Variants in RPGRIP1 observed in about 807,000 individuals in gnomAD.
RPGRIP1 encodes the protein X-linked retinitis pigmentosa GTPase regulator-interacting protein 1.
RPGRIP1 carries 128 observed loss-of-function variants against 157.9 expected under a neutral mutation model. That is an observed-to-expected ratio of 0.81 (90% CI 0.70 to 0.94). The LOEUF (loss-of-function observed/expected upper bound fraction) is 0.94, where lower values mean the gene tolerates loss of function less well. Among genes scored for constraint, RPGRIP1 ranks in the 40% least tolerant of loss-of-function variants. RPGRIP1 has a pLI of 0.00. For synonymous variants in RPGRIP1, 554 were observed against 571.6 expected (o/e 0.97, Z 0.44); for missense variants, 1,486 against 1,545.8 (o/e 0.96, Z 0.65).
intron 3 of RPGRIP1, among the ~76,000 whole-genome samples, chr14:21,295,478 ATTTTT>A (rs11342361): frequency 8.6e-6 from 1 of 116,516 alleles, no homozygotes; most frequent in Non-Finnish European, 1.8e-5. Flanking sequence ...TATTTTTGAG[ATTTTT>A]TTTTTTTTTT....
chr14:21,337,250 A>G (rs1410476160), intron 21 of RPGRIP1, among the ~76,000 whole-genome samples: 1 of 152,150 alleles, frequency 6.6e-6, no homozygotes, highest in Non-Finnish European at 1.5e-5. Flanking sequence ...TTTAACCTCT[A>G]TTAGGCCTTG....
In RPGRIP1 at chr14:21,281,700, A is replaced by AT. The variant is rs1252803485; in HGVS notation, c.-39+1541_-39+1542insT. On this transcript the variant is annotated intron_variant, in intron 1 of 24. Transcript: ENST00000400017. ...TGAGACCTTGTCTCAAAAAAAAAAA[A>AT]AATAAATAATAATAATAATAATAAT... Among the ~76,000 whole-genome samples, 190 of 107,786 alleles carry AT rather than the reference A, an allele frequency of 1.8e-3. 4 individuals carry two copies. The highest frequency in any genetic ancestry group is 7.1e-3 in the African/African-American group (180 of 25,396). The allele number at this position is 107,786 out of a possible 152,430, so 70.7% of individuals were successfully genotyped here.
intron 14 of RPGRIP1, among the ~76,000 whole-genome samples, chr14:21,323,705 C>T (rs1043698235): frequency 2.0e-5 from 3 of 151,998 alleles, no homozygotes; most frequent in East Asian, 1.9e-4. Context: ...ATTATTACTC[C>T]TGCATCATGT....
intron 21 of RPGRIP1, among the ~76,000 whole-genome samples, chr14:21,342,005 G>A (rs1016556246): frequency 6.6e-6 from 1 of 151,520 alleles, no homozygotes; most frequent in East Asian, 2.0e-4. Context: ...AGCCGAGATC[G>A]TGCCACTGCA....
At chr14:21,308,914 G>A (rs1464320001) in intron 7 of RPGRIP1, among the ~76,000 whole-genome samples, 1 of 152,098 alleles carries the variant, frequency 6.6e-6, no homozygotes, top group South Asian at 2.1e-4. Context: ...ATATGCAAAT[G>A]AAGGGCGCCA....
At chr14:21,347,000 A>G (rs1298772078) in intron 23 of RPGRIP1, among the ~76,000 whole-genome samples, 1 of 152,260 alleles carries the variant, frequency 6.6e-6, no homozygotes, top group Non-Finnish European at 1.5e-5. Context: ...CTTACAGAGA[A>G]CTTTTGGACA....
rs191259895 is a variant in RPGRIP1, at chr14:21,318,253, T to C, written c.1306+403T>C. On this transcript the variant is annotated intron_variant, in intron 11 of 24. Coordinates refer to ENST00000400017, the MANE Select transcript of RPGRIP1 (RefSeq NM_020366.4). ...TCCCAAGTAGCTCGGATTACAAGCATGCACTACCACGCCTGGCTATTTTTT... is the reference window on the plus strand; with the variant it reads ...TCCCAAGTAGCTCGGATTACAAGCACGCACTACCACGCCTGGCTATTTTTT... 792 of 378,610 alleles carry C rather than the reference T, an allele frequency of 2.1e-3. 11 individuals carry two copies. The highest frequency in any genetic ancestry group is 0.012 in the South Asian group (628 of 50,710). 23.5% of individuals were successfully genotyped at this position (378,610 alleles called of 1,614,324 possible).
Position 21,343,100 on chromosome 14 carries a change from C to CTT in RPGRIP1, c.3405_3406insTT (p.Asp1136LeufsTer5), listed in dbSNP as rs1566366002. On this transcript the variant is annotated frameshift_variant, in exon 22 of 25. Coordinates refer to ENST00000400017, the MANE Select transcript of RPGRIP1 (RefSeq NM_020366.4). LOFTEE classifies it high-confidence loss of function. ...TTCTACCCAGAGGCAGAAGTGATGT[C>CTT]TGATGAGAACATAAAACAGGTGTAT... 1 of 1,611,794 alleles carries CTT rather than the reference C, an allele frequency of 6.2e-7. No individual in the cohort carries two copies. Among genetic ancestry groups the CTT allele is most frequent in the Non-Finnish European group, 8.5e-7 (1 of 1,177,854 alleles).
chr14:21,280,719 A>C (rs1381207318), intron 1 of RPGRIP1, among the ~76,000 whole-genome samples: 2 of 146,634 alleles, frequency 1.4e-5, no homozygotes, highest in Admixed American at 7.0e-5. Flanking sequence ...TCCATCCCCC[A>C]CCCCCCTCCT....
intron 3 of RPGRIP1, among the ~76,000 whole-genome samples, chr14:21,296,669 T>C (rs537646295): frequency 4.6e-5 from 7 of 151,656 alleles, no homozygotes; most frequent in Non-Finnish European, 1.0e-4. Context: ...AGAAATAGTA[T>C]TAATTAGCCA....
rs368384594 is a variant in RPGRIP1 at position 21,287,114 on chromosome 14, G to A, written c.-38-825G>A. ...AAGAAAGAGATGAAAAAAAGAGAAA[G>A]AGGCCAGGTGTGGTGGCTCACGCCT... On this transcript the variant is annotated intron_variant, in intron 1 of 24. Transcript: ENST00000400017. Among the ~76,000 whole-genome samples the A allele has an allele frequency of 1.1e-4, 16 of 152,004 alleles. 1 individual carries two copies. The East Asian group carries it at 3.1e-3, about 30-fold the overall frequency.
At position 21,280,179 on chromosome 14, in the gene RPGRIP1, A is replaced by G. The variant is rs1469373035; in HGVS notation, c.-39+20A>G. On this transcript the variant is annotated intron_variant, in intron 1 of 24. Transcript: ENST00000400017. ...AGAACTGTAAGTTTCTATCTGATGC[A>G]TATTTATAGTTTCCTATGTCTTCCC... Among the ~76,000 whole-genome samples, 1 of 151,950 alleles carries G rather than the reference A, an allele frequency of 6.6e-6. No homozygotes were observed. The highest frequency in any genetic ancestry group is 1.9e-4 in the East Asian group (1 of 5,192).
At chr14:21,329,588 G>A (rs1285408952) in intron 19 of RPGRIP1, among the ~76,000 whole-genome samples, 2 of 144,656 alleles carry the variant, frequency 1.4e-5, no homozygotes, top group Non-Finnish European at 1.5e-5. Flanking sequence ...TGCAACCTCC[G>A]CCTCCCAGGT....
At chr14:21,310,654 C>G in intron 8 of RPGRIP1, 47 bp downstream of exon 8, 1 of 1,164,932 alleles carries the variant, frequency 8.6e-7, no homozygotes, top group Non-Finnish European at 1.2e-6. Flanking sequence ...CCAGAATAAT[C>G]AAACCCAAAG....
chr14:21,318,092 G>A, intron 11 of RPGRIP1: 3 of 656,852 alleles, frequency 4.6e-6, no homozygotes, highest in Non-Finnish European at 5.6e-6. Context: ...GAAGATGCTA[G>A]TTTTTGTTTG....
In RPGRIP1 at chr14:21,351,128, C is replaced by T. The variant is rs759191514; in HGVS notation, c.3773C>T (p.Thr1258Ile). 35 of 1,611,424 alleles carry T rather than the reference C, an allele frequency of 2.2e-5. No homozygotes were observed. The highest frequency in any genetic ancestry group is 2.7e-5 in the Non-Finnish European group (32 of 1,178,560). The part of the protein sequence containing the change: ...LDIVSPEDLA[T>I]PIGRLKVSLQ... ...GTTGTTAGCCCTGAAGATCTGGCTA[C>T]CCCAATAGGAAGGCTGAAGGTTTCC... The change falls in exon 25 of 25, where the codon ACC (threonine) becomes ATC (isoleucine). Residue 1258 changes from threonine (T) to isoleucine (I), a missense_variant. By Grantham distance (89) the Thr-to-Ile change is moderately conservative. Coordinates refer to ENST00000400017, the MANE Select transcript of RPGRIP1 (RefSeq NM_020366.4).
At chr14:21,348,533 G>A (rs77168328) in intron 24 of RPGRIP1, among the ~76,000 whole-genome samples, 2,651 of 152,124 alleles carry the variant, frequency 0.017, 31 homozygotes, top group Non-Finnish European at 0.025. Flanking sequence ...AATCTACAAT[G>A]TTTGAAAAGG....
intron 14 of RPGRIP1, chr14:21,324,412 A>C (rs1882826278): frequency 5.0e-6 from 3 of 604,908 alleles, no homozygotes; most frequent in Non-Finnish European, 8.8e-6. Context: ...CCTTCTCCCT[A>C]AAGCTGGCAT....
Position 21,320,005 on chromosome 14 carries a change from AT to A in RPGRIP1, c.1307-7del. On this transcript the variant is annotated splice_polypyrimidine_tract_variant and intron_variant, in intron 11 of 24. Transcript: ENST00000400017. Reference sequence around the variant, plus strand: ...CTACAGAATTTCACATTTCTGGATTATTTTTCCCCAGCCCAAAATGAGGATC... The same window carrying A: ...CTACAGAATTTCACATTTCTGGATTATTTTCCCCAGCCCAAAATGAGGATC... 1 of 1,604,490 alleles carries A rather than the reference AT, an allele frequency of 6.2e-7. No individual in the cohort carries two copies. Among genetic ancestry groups the A allele is most frequent in the Non-Finnish European group, 8.5e-7 (1 of 1,175,234 alleles).
Sources: gnomAD v4.1 joint callset for allele counts (sites outside exome capture counted in the v4.1 genomes callset) on GRCh38, gnomAD v4.1.1 for gene constraint, MANE v1.5 for transcripts, NCBI Gene and HGNC (gene_info 2026-07-23, HGNC 2026-07-21) for gene names.